RTN4: variants seen among roughly 807,000 people sequenced by gnomAD.
RTN4 encodes reticulon-4.
In RTN4, 32 loss-of-function variants were observed where a neutral mutation model predicts 90.4. That is an observed-to-expected ratio of 0.35 (90% confidence interval 0.27 to 0.48). The LOEUF (loss-of-function observed/expected upper bound fraction) is 0.48, where lower values mean the gene tolerates loss of function less well. Among genes scored for constraint, RTN4 ranks in the 20% least tolerant of loss-of-function variants. The pLI is 0.99. For missense variants in RTN4, 1,706 were observed against 1,430.2 expected (o/e 1.19, Z -3.11); for synonymous variants, 629 against 552.5 (o/e 1.14, Z -1.94).
At chr2:55,110,174 G>C (rs1045514755) in intron 1 of RTN4, among the ~76,000 whole-genome samples, 103 of 152,112 alleles carry the variant, frequency 6.8e-4, no homozygotes, top group African/African-American at 2.4e-3. Flanking sequence ...AGCCAGGTAT[G>C]GTGGCCTATG....
At chr2:55,014,749 T>A (rs1299219983) in intron 3 of RTN4, among the ~76,000 whole-genome samples, 1 of 152,140 alleles carries the variant, frequency 6.6e-6, no homozygotes, top group Non-Finnish European at 1.5e-5. Context: ...TCTCCTGACC[T>A]CGTGATCTGC....
the RTN4 span, among the ~76,000 whole-genome samples, chr2:55,134,543 T>C: frequency 3.3e-5 from 5 of 152,322 alleles, no homozygotes; most frequent in Non-Finnish European, 2.9e-5. Context: ...ATTTCCTGCA[T>C]GCAGTCAATA....
chr2:55,029,948 G>A (rs1032542055), intron 1 of RTN4, among the ~76,000 whole-genome samples: 1 of 152,128 alleles, frequency 6.6e-6, no homozygotes, highest in Non-Finnish European at 1.5e-5. Flanking sequence ...CTAAAATAAT[G>A]AATTATTAGC....
upstream of RTN4, among the ~76,000 whole-genome samples, chr2:55,116,947 G>A (rs558378408): frequency 1.5e-5 from 2 of 137,224 alleles, no homozygotes; most frequent in Non-Finnish European, 3.0e-5. Flanking sequence ...AATCTTGGCT[G>A]TCTGCAACCT....
rs193199214 is a variant in RTN4, at chr2:55,064,629, G to C, written c.-63+15860C>G. Among the ~76,000 whole-genome samples the C allele has an allele frequency of 2.6e-5, 4 of 152,264 alleles. No individual in the cohort carries two copies. In the East Asian group the frequency reaches 7.7e-4, roughly 29 times the overall value. On this transcript the variant is annotated intron_variant, in intron 2 of 3. Transcript: ENST00000427710. Reference sequence around the variant, plus strand: ...GCCTCCCAAAGTGCTGGGATTACAGGTGTGAGCCAATGCGCCAGGCCTACA... The same window carrying C: ...GCCTCCCAAAGTGCTGGGATTACAGCTGTGAGCCAATGCGCCAGGCCTACA...
chr2:55,033,941 C>A (rs943988102), intron 1 of RTN4, among the ~76,000 whole-genome samples: 1 of 152,158 alleles, frequency 6.6e-6, no homozygotes, highest in African/African-American at 2.4e-5. Flanking sequence ...ACTATAATTT[C>A]TCTACTGTAC....
At chr2:55,031,333 G>A (rs1194811646) in intron 1 of RTN4, among the ~76,000 whole-genome samples, 1 of 152,220 alleles carries the variant, frequency 6.6e-6, no homozygotes, top group East Asian at 1.9e-4. Flanking sequence ...ACAGTACAGA[G>A]AGAAGCCTAA....
chr2:54,973,651 C>A, intron 7 of RTN4, 30 bp from the exon 8 acceptor site: 1 of 1,578,750 alleles, frequency 6.3e-7, no homozygotes, highest in South Asian at 1.1e-5. Context: ...GAATTATTAC[C>A]GTTGCTAAAG....
rs72795475 is a variant in RTN4 at position 55,094,463 on chromosome 2, C to T, written c.-213-13824G>A. Among the ~76,000 whole-genome samples, 862 of 152,272 alleles carry T rather than the reference C, an allele frequency of 5.7e-3. 3 individuals are homozygous for T. The highest frequency in any genetic ancestry group is 8.3e-3 in the Non-Finnish European group (567 of 68,030). On this transcript the variant is annotated intron_variant, in intron 1 of 3. Transcript: ENST00000427710. ...ATCACTAGCACTCTGGGTACTGTTGCGCAGTGAAGTATAGAGCAGTGACCA... is the reference window on the plus strand; with the variant it reads ...ATCACTAGCACTCTGGGTACTGTTGTGCAGTGAAGTATAGAGCAGTGACCA...
At chr2:55,122,100 C>T in the RTN4 span, among the ~76,000 whole-genome samples, 14 of 151,994 alleles carry the variant, frequency 9.2e-5, no homozygotes, top group Middle Eastern at 3.4e-3. Context: ...TGGACTCAAG[C>T]GATCCTCCCA....
At chr2:54,991,329 T>TA (rs1678998288) in intron 3 of RTN4, among the ~76,000 whole-genome samples, 1 of 152,230 alleles carries the variant, frequency 6.6e-6, no homozygotes, top group African/African-American at 2.4e-5. Context: ...CCTAATATTA[T>TA]AACAGAGTTA....
At position 55,050,217 on chromosome 2, in the gene RTN4, C is replaced by T. The variant is rs1668028324; in HGVS notation, c.84G>A (p.Val28=). 2.6e-6 allele frequency: 4 copies of T among 1,565,166 alleles called. No homozygotes were observed. Among genetic ancestry groups the T allele is most frequent in the African/African-American group, 2.8e-5 (2 of 71,284 alleles). ...RPQPAFKYQF[V]REPEDEEEEE... ...CTTCCTCCTCGTCCTCGGGCTCCCT[C>T]ACGAACTGGTACTTGAACGCGGGCT... Residue 28 remains valine, a synonymous_variant, in exon 1 of 9, where the codon GTG becomes GTA. Coordinates refer to ENST00000337526, the MANE Select transcript of RTN4 (RefSeq NM_020532.5). The surrounding 1 kb of genome is among the most constrained non-coding windows in gnomAD (Gnocchi z 4.6).
intron 3 of RTN4, among the ~76,000 whole-genome samples, chr2:55,022,579 CAAA>C (rs1271529867): frequency 1.3e-5 from 2 of 152,056 alleles, no homozygotes; most frequent in Non-Finnish European, 2.9e-5. Flanking sequence ...AGACCTTGGG[CAAA>C]AGTCTTGGCT....
chr2:55,087,151 G>C (rs899906536), intron 1 of RTN4, among the ~76,000 whole-genome samples: 3 of 152,114 alleles, frequency 2.0e-5, no homozygotes, highest in Admixed American at 6.6e-5. Context: ...GTTATGTTTG[G>C]GGGTACTGTG....
intron 3 of RTN4, among the ~76,000 whole-genome samples, chr2:55,021,601 G>T (rs1203838502): frequency 6.6e-6 from 1 of 152,048 alleles, no homozygotes; most frequent in Admixed American, 6.5e-5. Flanking sequence ...GGGATTACAG[G>T]CGTAAGCCAT....
chr2:55,061,549 T>G (rs1166940288), intron 2 of RTN4, among the ~76,000 whole-genome samples: 1 of 152,152 alleles, frequency 6.6e-6, no homozygotes, highest in Admixed American at 6.5e-5. Flanking sequence ...CCCCTCAGTC[T>G]CTTTGAAATA....
At chr2:55,039,873 C>A (rs1182295399) in intron 1 of RTN4, among the ~76,000 whole-genome samples, 1 of 152,182 alleles carries the variant, frequency 6.6e-6, no homozygotes, top group African/African-American at 2.4e-5. Context: ...ACCCTCAACT[C>A]TTTTAGTATT....
At chr2:55,021,792 T>TA (rs1322308442) in intron 3 of RTN4, among the ~76,000 whole-genome samples, 3 of 152,190 alleles carry the variant, frequency 2.0e-5, no homozygotes, top group African/African-American at 7.2e-5. Context: ...TCAGGTCACC[T>TA]ATATTGTTTT....
chr2:55,137,481 G>T, the RTN4 span, among the ~76,000 whole-genome samples: 4 of 152,272 alleles, frequency 2.6e-5, no homozygotes, highest in East Asian at 5.8e-4. Context: ...ATTCCGGAGC[G>T]TTCGGAAGCA....
Sources: allele counts gnomAD v4.1 joint callset (sites outside exome capture counted in the v4.1 genomes callset), GRCh38; gene constraint gnomAD v4.1.1; non-coding constraint Gnocchi (gnomAD v3.1); transcripts MANE v1.5; gene names NCBI Gene and HGNC (gene_info 2026-07-23, HGNC 2026-07-21).